The following GCLC variants were observed in gnomAD, a reference collection of about 807,000 sequenced individuals.
GCLC encodes glutamate--cysteine ligase catalytic subunit.
In GCLC, 30 loss-of-function variants were observed where a neutral mutation model predicts 81.5. The observed-to-expected ratio is 0.37, with a 90% confidence interval of 0.28 to 0.50. GCLC has a LOEUF of 0.50. Among genes scored for constraint, GCLC ranks in the 20% least tolerant of loss-of-function variants. GCLC has a pLI of 0.96. For missense variants in GCLC, 556 were observed against 777.4 expected, an observed-to-expected ratio of 0.72 and a Z score of 3.39; for synonymous variants, 262 against 273.3, an observed-to-expected ratio of 0.96 and a Z score of 0.41.
intron 3 of GCLC, among the ~76,000 whole-genome samples, 200 bp downstream of exon 3, chr6:53,520,578 A>G (rs1762974560): frequency 6.6e-6 from 1 of 152,222 alleles, no homozygotes; most frequent in Non-Finnish European, 1.5e-5. Context: ...ACCACGGTGC[A>G]GCCACCACAG....
At chr6:53,544,192 C>T (rs1763405750) in intron 1 of GCLC, among the ~76,000 whole-genome samples, 1 of 152,226 alleles carries the variant, frequency 6.6e-6, no homozygotes, top group South Asian at 2.1e-4. Flanking sequence ...AGGTTGAAGA[C>T]TCGCAGCACC....
intron 1 of GCLC, among the ~76,000 whole-genome samples, chr6:53,536,927 A>C (rs1196926886): frequency 6.6e-6 from 1 of 152,166 alleles, no homozygotes; most frequent in African/African-American, 2.4e-5. Context: ...TTTCGATTCT[A>C]CTTTTCTCAT....
chr6:53,505,525 T>C (rs774287174), intron 11 of GCLC, 29 bp from the exon 12 acceptor site: 1 of 1,144,108 alleles, frequency 8.7e-7, no homozygotes, highest in South Asian at 1.2e-5. Context: ...AGAGAAGTTA[T>C]GAACCAACTA....
At position 53,544,714 on chromosome 6, in the gene GCLC, A is replaced by C; in HGVS notation, c.-69T>G. 6.8e-7 allele frequency: 1 copy of C among 1,463,162 alleles called. No homozygotes were observed. The highest frequency in any genetic ancestry group is 9.2e-7 in the Non-Finnish European group (1 of 1,092,380). The allele number at this position is 1,463,162 out of a possible 1,614,324, so 90.6% of individuals were successfully genotyped here. On this transcript the variant is annotated 5_prime_UTR_variant, in exon 1 of 16. Transcript: ENST00000650454. The stretch of plus-strand genomic sequence containing the variant: ...GTCGCCCGCTCCGGGCGCGAGACGG[A>C]CACTCAGCCGCCCGCAGAAGGCGGC...
rs370949625 is a variant in GCLC at position 53,500,088 on chromosome 6, A to G, written c.1659T>C (p.Cys553=). Residue 553 remains cysteine (C), a synonymous_variant, in exon 15 of 16, where the codon TGT becomes TGC. Transcript: ENST00000650454. The part of the protein sequence containing the change: ...ENMEVDVDTR[C]SILNYLKLIK... The stretch of plus-strand genomic sequence containing the variant: ...TTAGCTTTAGGTAGTTCAGAATACT[A>G]CATCTGGTGTCCACATCCACTTCCA... The G allele has an allele frequency of 1.1e-5, 17 of 1,608,898 alleles. No homozygotes were observed. Among genetic ancestry groups the G allele is most frequent in the Non-Finnish European group, 1.4e-5 (17 of 1,175,294 alleles).
chr6:53,500,012 A>G (rs769620464), intron 15 of GCLC, 33 bp downstream of exon 15: 2 of 1,465,122 alleles, frequency 1.4e-6, no homozygotes, highest in Non-Finnish European at 1.9e-6. Context: ...CATGCTGTCT[A>G]TATTATGAGA....
At position 53,514,425 on chromosome 6, in the gene GCLC, C is replaced by T; in HGVS notation, c.619+14G>A. The stretch of plus-strand genomic sequence containing the variant: ...ATGTCTCTCTCCCACCCCACCACCT[C>T]TCAGTAGACTTACTTGGTACATTGA... On this transcript the variant is annotated intron_variant, in intron 5 of 15. Coordinates refer to ENST00000650454, the MANE Select transcript of GCLC (RefSeq NM_001498.4). The T allele has an allele frequency of 6.2e-7, 1 of 1,607,700 alleles. No homozygotes were observed. Among genetic ancestry groups the T allele is most frequent in the Non-Finnish European group, 8.5e-7 (1 of 1,174,174 alleles).
chr6:53,525,844 G>A (rs1763072424), intron 1 of GCLC, among the ~76,000 whole-genome samples: 1 of 152,016 alleles, frequency 6.6e-6, no homozygotes, highest in Non-Finnish European at 1.5e-5. Context: ...GGTGACTCTG[G>A]GATACTGTTT....
rs61047592 is a variant in GCLC, at chr6:53,508,816, C to T, written c.829-105G>A. ...CTGATCAAAAAGCATGTTTATGCAA[C>T]CCATACAGAGCACATGTACCTGTGC... On this transcript the variant is annotated intron_variant, in intron 7 of 15. Transcript: ENST00000650454. 2.5e-3 allele frequency: 1,869 copies of T among 762,152 alleles called. 24 individuals are homozygous for T. The African/African-American group carries it at 0.039, about 16-fold the overall frequency. The allele number at this position is 762,152 out of a possible 1,614,324, so 47.2% of individuals were successfully genotyped here. A position where few individuals can be genotyped will look rare whatever the true frequency, so the allele number is the denominator to read the frequency against.
intron 15 of GCLC, among the ~76,000 whole-genome samples, chr6:53,499,835 C>A (rs1285387602): frequency 6.6e-6 from 1 of 151,930 alleles, no homozygotes; most frequent in Non-Finnish European, 1.5e-5. Context: ...TCAGATGCAC[C>A]CCTATTTTAT....
At chr6:53,536,167 G>A (rs531515184) in intron 1 of GCLC, among the ~76,000 whole-genome samples, 1 of 152,282 alleles carries the variant, frequency 6.6e-6, no homozygotes, top group East Asian at 1.9e-4. Flanking sequence ...TAGACTCTAA[G>A]AAGGCAGACC....
At chr6:53,519,276 C>T (rs766337543) in intron 3 of GCLC, among the ~76,000 whole-genome samples, 19 of 152,024 alleles carry the variant, frequency 1.2e-4, no homozygotes, top group Non-Finnish European at 2.7e-4. Flanking sequence ...TCACACTGGC[C>T]AGCTTGCTTT....
rs1764411211 is a variant in GCLC, at chr6:53,498,203, T to C, written c.*553A>G. On this transcript the variant is annotated 3_prime_UTR_variant, in exon 16 of 16. Coordinates refer to ENST00000650454, the MANE Select transcript of GCLC (RefSeq NM_001498.4). ...TTGGGGCAAGGTGACCAAGTGATTA[T>C]TCCAATTGCAAAAGAAACATCATAG... The C allele has an allele frequency of 6.5e-6, 1 of 154,788 alleles. No individual in the cohort carries two copies. Among genetic ancestry groups the C allele is most frequent in the South Asian group, 2.0e-4 (1 of 4,960 alleles). 9.6% of individuals were successfully genotyped at this position (154,788 alleles called of 1,614,324 possible).
intron 1 of GCLC, among the ~76,000 whole-genome samples, chr6:53,533,987 T>G (rs504786): frequency 0.64 from 96,591 of 151,552 alleles, 31,178 homozygotes; most frequent in African/African-American, 0.73. Flanking sequence ...AGAGAGGGGG[T>G]TTTCACCATG....
intron 1 of GCLC, among the ~76,000 whole-genome samples, chr6:53,526,483 G>C (rs1328305868): frequency 6.6e-6 from 1 of 152,140 alleles, no homozygotes; most frequent in Non-Finnish European, 1.5e-5. Context: ...TTAAGGGTAA[G>C]AGTTTCAGGG....
At chr6:53,520,249 T>C (rs1434161917) in intron 3 of GCLC, among the ~76,000 whole-genome samples, 3 of 152,234 alleles carry the variant, frequency 2.0e-5, no homozygotes, top group East Asian at 1.9e-4. Context: ...CAGAACAATA[T>C]GCAAGGACCT....
At chr6:53,527,808 G>A (rs1484611622) in intron 1 of GCLC, among the ~76,000 whole-genome samples, 3 of 152,070 alleles carry the variant, frequency 2.0e-5, no homozygotes, top group Admixed American at 1.3e-4. Context: ...GAGGGTCTAG[G>A]GATCCTTCAA....
rs72943679 is a variant in GCLC, at chr6:53,537,730, G to A, written c.150+6766C>T. Among the ~76,000 whole-genome samples the A allele has an allele frequency of 6.5e-3, 987 of 152,036 alleles. 7 individuals are homozygous for A. The highest frequency in any genetic ancestry group is 0.012 in the Non-Finnish European group (782 of 67,968). ...ATTGTATCTGAACAAGCAAGTTTCAGTTAACTGTAAAAAAAAACCAAAAAA... is the reference window on the plus strand; with the variant it reads ...ATTGTATCTGAACAAGCAAGTTTCAATTAACTGTAAAAAAAAACCAAAAAA... On this transcript the variant is annotated intron_variant, in intron 1 of 15. Coordinates refer to ENST00000650454, the MANE Select transcript of GCLC (RefSeq NM_001498.4).
chr6:53,532,353 C>T (rs757889764), intron 1 of GCLC, among the ~76,000 whole-genome samples: 2 of 152,196 alleles, frequency 1.3e-5, no homozygotes, highest in Admixed American at 6.5e-5. Flanking sequence ...ACTAAATGAC[C>T]GAGTCTGCAG....
Sources: gnomAD v4.1 joint callset for allele counts (sites outside exome capture counted in the v4.1 genomes callset) on GRCh38, gnomAD v4.1.1 for gene constraint, MANE v1.5 for transcripts, NCBI Gene and HGNC (gene_info 2026-07-23, HGNC 2026-07-21) for gene names.